PRSS53: variants seen among roughly 807,000 people sequenced by gnomAD.
The protein encoded by PRSS53 is serine protease 53, also known as EDTP308.
In PRSS53, 54 loss-of-function variants were observed where a neutral mutation model predicts 62.7. That is an observed-to-expected ratio of 0.86 (90% CI 0.69 to 1.08). The LOEUF (loss-of-function observed/expected upper bound fraction) is 1.08. Among genes scored for constraint, PRSS53 ranks in the 50% least tolerant of loss-of-function variants. PRSS53 has a pLI of 0.00. For missense variants in PRSS53, 688 were observed against 728.3 expected (o/e 0.94, Z 0.64); for synonymous variants, 273 against 300.0 (o/e 0.91, Z 0.93).
At chr16:31,083,904 G>A in intron 10 of PRSS53, 95 bp from the exon 11 acceptor site, 1 of 1,594,568 alleles carries the variant, frequency 6.3e-7, no homozygotes, top group Non-Finnish European at 8.5e-7. Context: ...GTCTGTCTTG[G>A]CCGCCATGAC....
chr16:31,085,863 A>T, intron 6 of PRSS53, 101 bp downstream of exon 6: 1 of 1,085,994 alleles, frequency 9.2e-7, no homozygotes, highest in Non-Finnish European at 1.4e-6. Context: ...AGAGCCCCCT[A>T]ATTAGGCTCG....
At chr16:31,086,761 G>A (rs1596789539) in exon 4 of PRSS53, 1 of 1,611,986 alleles carries the variant, frequency 6.2e-7, no homozygotes, top group African/African-American at 1.3e-5. Context: ...GGCCAGGTCT[G>A]AGCCCTGGCT....
chr16:31,087,291 C>A (rs184960964), intron 3 of PRSS53: 38 of 573,552 alleles, frequency 6.6e-5, no homozygotes, highest in African/African-American at 6.4e-4. Flanking sequence ...GCTACTGTGC[C>A]CGGCCTCAGT....
At chr16:31,084,837 G>A in exon 8 of PRSS53, 2 of 1,548,164 alleles carry the variant, frequency 1.3e-6, no homozygotes, top group South Asian at 1.2e-5. Context: ...GGCAGGTGGT[G>A]GTCAGGATAG....
chr16:31,085,065 G>GC (rs751060113), intron 7 of PRSS53, 41 bp from the exon 8 acceptor site: 11 of 1,611,320 alleles, frequency 6.8e-6, no homozygotes, highest in Non-Finnish European at 9.3e-6. Context: ...TGACAGGGCT[G>GC]CCGGCAGGGG....
intron 3 of PRSS53, chr16:31,087,176 T>C: frequency 1.9e-6 from 1 of 522,246 alleles, no homozygotes; most frequent in Non-Finnish European, 3.4e-6. Context: ...TTTACAGTTT[T>C]TGTAGAGACA....
At chr16:31,085,838 A>G in intron 6 of PRSS53, 126 bp downstream of exon 6, 1 of 844,872 alleles carries the variant, frequency 1.2e-6, no homozygotes, top group Non-Finnish European at 1.9e-6. Context: ...GGCTGTTCCC[A>G]TCCCAGGGGG....
exon 6 of PRSS53, chr16:31,086,000 C>G (rs1227140673): frequency 6.2e-7 from 1 of 1,613,978 alleles, no homozygotes; most frequent in Non-Finnish European, 8.5e-7. Context: ...TCCGGGGTCT[C>G]TGGGCTCTGG....
At position 31,084,924 on chromosome 16, in the gene PRSS53, C is replaced by CTG. The variant is rs1218694551; in HGVS notation, c.1134_1135insCA (p.Gly379GlnfsTer15). On this transcript the variant is annotated frameshift_variant, in exon 8 of 11. Coordinates refer to ENST00000280606, the Ensembl canonical transcript of PRSS53. LOFTEE classifies it high-confidence loss of function. ...AGCAGGAGGGCCATGTCGTAGCCCC[C>CTG]CTCAGGGTGGGTGTAGGCTCCATGC... 6 of 1,544,204 alleles carry CTG rather than the reference C, an allele frequency of 3.9e-6. No individual in the cohort carries two copies. Among genetic ancestry groups the CTG allele is most frequent in the Admixed American group, 2.0e-5 (1 of 50,248 alleles).
rs2057194840 is a variant in PRSS53, at chr16:31,083,683, G to A, written c.*107C>T. On this transcript the variant is annotated 3_prime_UTR_variant, in exon 11 of 11. Transcript: ENST00000280606. ...CTTCCCACAGCTGCTGGGCTTCTGG[G>A]CCTGCCCTGGTGCCTGGAATCACAC... 3 of 1,594,876 alleles carry A rather than the reference G, an allele frequency of 1.9e-6. No individual in the cohort carries two copies. The African/African-American group carries it at 4.0e-5, about 21-fold the overall frequency.
chr16:31,087,593 G>A, exon 3 of PRSS53: 2 of 1,611,838 alleles, frequency 1.2e-6, no homozygotes, highest in South Asian at 1.1e-5. Context: ...GGGAGCCGCT[G>A]CAGATGTGGG....
exon 8 of PRSS53, chr16:31,084,955 G>A: frequency 6.4e-7 from 1 of 1,553,308 alleles, no homozygotes; most frequent in Non-Finnish European, 8.7e-7. Flanking sequence ...CATGCAGGAT[G>A]AGCTGCTTCA....
At chr16:31,084,843 G>C (rs7199949) in exon 8 of PRSS53, 626,260 of 1,550,410 alleles carry the variant, frequency 0.4, 134,886 homozygotes, top group South Asian at 0.69. Flanking sequence ...TGGTGGTCAG[G>C]ATAGGGCAGG....
chr16:31,084,592 C>T lies in PRSS53; in HGVS notation c.1391G>A (p.Cys464Tyr), dbSNP rs368966994. ...GGGCAGCTCACCCACAGCACTGGTA[C>T]ACACCATCCCCGGCAGAATAGGGCT... The change falls in exon 9 of 11, where the codon TGT (cysteine) becomes TAT (tyrosine). Residue 464 changes from cysteine to tyrosine, a missense_variant. Coordinates refer to ENST00000280606, the Ensembl canonical transcript of PRSS53. 1.9e-5 allele frequency: 31 copies of T among 1,606,798 alleles called. No individual in the cohort carries two copies. The highest frequency in any genetic ancestry group is 8.0e-5 in the African/African-American group (6 of 74,782).
chr16:31,083,569 G>A, exon 11 of PRSS53: 1 of 1,440,038 alleles, frequency 6.9e-7, no homozygotes, highest in South Asian at 1.5e-5. Context: ...TGAGACGCCT[G>A]CTTGGTAGCA....
At chr16:31,083,587 G>A in exon 11 of PRSS53, 4 of 1,465,484 alleles carry the variant, frequency 2.7e-6, no homozygotes, top group South Asian at 2.8e-5. Context: ...GCAGAGTTGG[G>A]TGTGGGAGTG....
At chr16:31,088,333 A>G in intron 1 of PRSS53, 1 of 1,112,464 alleles carries the variant, frequency 9.0e-7, no homozygotes, top group Non-Finnish European at 1.1e-6. Context: ...CGCCAGAGAG[A>G]GGGCCCCTGC....
chr16:31,084,168 G>A (rs946085550), exon 10 of PRSS53: 7 of 1,602,158 alleles, frequency 4.4e-6, no homozygotes, highest in East Asian at 2.3e-5. Context: ...CTGGTTCCTC[G>A]GCGAAGTAGA....
exon 3 of PRSS53, chr16:31,087,656 G>T (rs763457102): frequency 6.2e-7 from 1 of 1,611,394 alleles, no homozygotes; most frequent in South Asian, 1.1e-5. Flanking sequence ...GGACTGTGTT[G>T]CCCTCCTGAG....
Sources: gnomAD v4.1 joint callset for allele counts on GRCh38, gnomAD v4.1.1 for gene constraint, MANE v1.5 for transcripts, NCBI Gene and HGNC (gene_info 2026-07-23, HGNC 2026-07-21) for gene names.